The following LRRC4C variants were observed in gnomAD, a reference collection of about 807,000 sequenced individuals.
The protein encoded by LRRC4C is leucine-rich repeat-containing protein 4C.
LRRC4C carries 5 observed loss-of-function variants against 33.6 expected under a neutral mutation model. That is an observed-to-expected ratio of 0.15 (90% CI 0.08 to 0.31). The LOEUF (loss-of-function observed/expected upper bound fraction) is 0.31. LRRC4C is among the 10% of genes least tolerant of loss of function. The pLI is 1.00. For missense variants in LRRC4C, 560 were observed against 796.7 expected (o/e 0.70, Z 3.58); for synonymous variants, 329 against 302.0 (o/e 1.09, Z -0.93).
chr11:41,161,240 T>C (rs941194650), intron 1 of LRRC4C, among the ~76,000 whole-genome samples: 5 of 152,180 alleles, frequency 3.3e-5, no homozygotes, highest in African/African-American at 1.2e-4. Flanking sequence ...CCTGCTTACA[T>C]ATATACAATG....
At chr11:41,326,778 C>T (rs1591274723) in intron 1 of LRRC4C, among the ~76,000 whole-genome samples, 1 of 152,156 alleles carries the variant, frequency 6.6e-6, no homozygotes, top group Non-Finnish European at 1.5e-5. Flanking sequence ...TTGCAGTGCA[C>T]TCTGATAAAT....
intron 3 of LRRC4C, among the ~76,000 whole-genome samples, chr11:40,381,927 A>G (rs899119500): frequency 2.0e-5 from 3 of 148,440 alleles, no homozygotes; most frequent in Non-Finnish European, 3.0e-5. Context: ...ATAAACAATC[A>G]TATGGACAAA....
At chr11:41,312,688 T>G (rs2922036) in intron 1 of LRRC4C, among the ~76,000 whole-genome samples, 113,813 of 152,042 alleles carry the variant, frequency 0.75, 43,001 homozygotes, top group Admixed American at 0.83. Context: ...ACACACTAAT[T>G]AAAACATAAA....
chr11:40,277,764 G>A (rs555150850), intron 4 of LRRC4C, among the ~76,000 whole-genome samples: 36 of 152,072 alleles, frequency 2.4e-4, no homozygotes, highest in South Asian at 6.2e-4. Context: ...ATTTGCTTGC[G>A]GATTCAATGT....
intron 1 of LRRC4C, among the ~76,000 whole-genome samples, chr11:41,416,583 A>G (rs10837642): frequency 0.03 from 4,544 of 151,970 alleles, 232 homozygotes; most frequent in African/African-American, 0.1. Flanking sequence ...ACACTTTACT[A>G]TGTTTTCTTT....
intron 1 of LRRC4C, among the ~76,000 whole-genome samples, chr11:40,981,082 G>C (rs1463186141): frequency 6.6e-6 from 1 of 152,090 alleles, no homozygotes; most frequent in Non-Finnish European, 1.5e-5. Context: ...TCGGGTATGG[G>C]GGCTGGGATT....
intron 5 of LRRC4C, among the ~76,000 whole-genome samples, chr11:40,227,569 G>C (rs939961626): frequency 6.6e-6 from 1 of 152,100 alleles, no homozygotes; most frequent in Non-Finnish European, 1.5e-5. Flanking sequence ...ACAGGGAAAG[G>C]GAAAGAGGTG....
rs779510618 is a variant in LRRC4C at position 40,116,090 on chromosome 11, C to T, written c.203G>A (p.Arg68His). 20 of 1,613,904 alleles carry T rather than the reference C, an allele frequency of 1.2e-5. No homozygotes were observed. The highest frequency in any genetic ancestry group is 5.3e-5 in the African/African-American group (4 of 74,866). ...GGTGGAGATGCCATCCGGAACCTCA[C>T]GCAGGTTTTTCCGAACACAAATCAC... ...SKVICVRKNL[R>H]EVPDGISTNT... The change falls in exon 7 of 7, where the codon CGT (arginine) becomes CAT (histidine). Residue 68 changes from arginine (R) to histidine (H), a missense_variant. Physicochemically the swap from Arg to His is conservative, Grantham distance 29. Coordinates refer to ENST00000528697, the MANE Select transcript of LRRC4C (RefSeq NM_001258419.2).
chr11:40,309,515 A>ATC (rs376619578), intron 4 of LRRC4C, among the ~76,000 whole-genome samples: 1 of 145,994 alleles, frequency 6.8e-6, no homozygotes, highest in Non-Finnish European at 1.5e-5. Context: ...GCAGAAGTGT[A>ATC]TTTTTTTTTT....
At chr11:41,185,418 A>C (rs146007307) in intron 1 of LRRC4C, among the ~76,000 whole-genome samples, 183 of 152,324 alleles carry the variant, frequency 1.2e-3, no homozygotes, top group African/African-American at 4.3e-3. Flanking sequence ...AAAGGAGAGA[A>C]AGAATGGATG....
At chr11:41,320,886 G>A (rs929049912) in intron 1 of LRRC4C, among the ~76,000 whole-genome samples, 5 of 152,178 alleles carry the variant, frequency 3.3e-5, no homozygotes, top group African/African-American at 1.2e-4. Context: ...AGTTCTCTGT[G>A]ATTGCAGGAA....
intron 1 of LRRC4C, among the ~76,000 whole-genome samples, chr11:41,105,863 T>C (rs891840688): frequency 1.3e-5 from 2 of 152,110 alleles, no homozygotes; most frequent in Non-Finnish European, 2.9e-5. Context: ...CATTTTATTA[T>C]AACAAAATAA....
intron 1 of LRRC4C, among the ~76,000 whole-genome samples, chr11:41,066,011 T>C (rs1938207455): frequency 1.3e-5 from 2 of 152,112 alleles, no homozygotes; most frequent in Admixed American, 1.3e-4. Context: ...TTTTCTCTCC[T>C]CCAAATGATC....
intron 1 of LRRC4C, among the ~76,000 whole-genome samples, chr11:41,373,135 T>A (rs1385863996): frequency 6.6e-6 from 1 of 151,868 alleles, no homozygotes; most frequent in Non-Finnish European, 1.5e-5. Context: ...AAGAGTAGAG[T>A]CTATTTAGGT....
chr11:40,464,933 C>A (rs187254344), intron 3 of LRRC4C, among the ~76,000 whole-genome samples: 441 of 151,830 alleles, frequency 2.9e-3, no homozygotes, highest in Non-Finnish European at 4.2e-3. Context: ...AAAATACCTA[C>A]ATCATTTTTC....
intron 3 of LRRC4C, among the ~76,000 whole-genome samples, chr11:40,522,975 C>T (rs1486840134): frequency 6.6e-6 from 1 of 152,064 alleles, no homozygotes; most frequent in African/African-American, 2.4e-5. Flanking sequence ...GTTAATTCCA[C>T]CTTTTGGCTA....
At chr11:40,307,775 A>G (rs11035771) in intron 4 of LRRC4C, among the ~76,000 whole-genome samples, 27,094 of 152,222 alleles carry the variant, frequency 0.18, 3,049 homozygotes, top group Admixed American at 0.32. Flanking sequence ...ATGACTTATT[A>G]TAAAGAAATG....
Position 40,115,157 on chromosome 11 carries a change from G to T in LRRC4C, c.1136C>A (p.Thr379Lys), listed in dbSNP as rs748255377. The T allele has an allele frequency of 2.5e-6, 4 of 1,614,112 alleles. No individual in the cohort carries two copies. Among genetic ancestry groups the T allele is most frequent in the Non-Finnish European group, 3.4e-6 (4 of 1,180,052 alleles). Reference protein sequence around the residue: ...MAAELKCRASTSLTSVSWITP... With the variant: ...MAAELKCRASKSLTSVSWITP... ...AATCCAAGATACAGATGTCAGGGATGTGGAGGCCCGACATTTCAGCTCAGC... is the reference window on the plus strand; with the variant it reads ...AATCCAAGATACAGATGTCAGGGATTTGGAGGCCCGACATTTCAGCTCAGC... The change falls in exon 7 of 7, where the codon ACA (threonine) becomes AAA (lysine). Residue 379 changes from threonine (T) to lysine (K), a missense_variant. Around this residue, in one of 3 missense-constraint regions of LRRC4C, gnomAD observed 455 missense variants for 643.8 expected, o/e 0.71. Transcript: ENST00000528697. The surrounding 1 kb of genome is among the most constrained non-coding windows in gnomAD (Gnocchi z 6.7).
chr11:41,149,968 G>C (rs1431370863), intron 1 of LRRC4C, among the ~76,000 whole-genome samples: 1 of 152,090 alleles, frequency 6.6e-6, no homozygotes, highest in African/African-American at 2.4e-5. Flanking sequence ...AATCATCCTA[G>C]AAAAAATACA....
Sources: gnomAD v4.1 joint callset for allele counts (sites outside exome capture counted in the v4.1 genomes callset) on GRCh38, gnomAD v4.1.1 for gene constraint, gnomAD v4.1.1 regional missense constraint, Gnocchi (gnomAD v3.1) non-coding constraint, MANE v1.5 for transcripts, NCBI Gene and HGNC (gene_info 2026-07-23, HGNC 2026-07-21) for gene names.